COL6A1: variants seen among roughly 807,000 people sequenced by gnomAD.
COL6A1 encodes the protein collagen alpha-1(VI) chain.
A neutral mutation model predicts 145.6 loss-of-function variants in COL6A1; 80 were observed. The ratio of observed to expected loss-of-function variants is 0.55; its 90% confidence interval spans 0.46 to 0.66. COL6A1 has a LOEUF of 0.66. Ranked by LOEUF, COL6A1 falls within the 30% of genes least tolerant of loss-of-function variation. The probability of loss-of-function intolerance (pLI) is 0.00; values close to 1 mark genes in which losing one functional copy is unlikely to be tolerated. For synonymous variants in COL6A1, 638 were observed against 622.8 expected, an observed-to-expected ratio of 1.02 and a Z score of -0.36; for missense variants, 1,364 against 1,473.8, an observed-to-expected ratio of 0.93 and a Z score of 1.22.
chr21:45,985,576 C>T (rs1358469301), intron 3 of COL6A1, among the ~76,000 whole-genome samples: 1 of 152,238 alleles, frequency 6.6e-6, no homozygotes, highest in Non-Finnish European at 1.5e-5. Flanking sequence ...GGTTTCCTCT[C>T]ATCCCAGTGT....
At position 46,003,684 on chromosome 21, in the gene COL6A1, C is replaced by T. The variant is rs141620374; in HGVS notation, c.2758C>T (p.Leu920=). The T allele has an allele frequency of 2.0e-4, 315 of 1,613,100 alleles. 2 individuals are homozygous for T. In the African/African-American group the frequency reaches 3.6e-3, roughly 18 times the overall value. The change falls in exon 35 of 35, where the codon CTG becomes TTG. Residue 920 remains leucine (L), a synonymous_variant. Transcript: ENST00000361866. ...INDATDVNDA[L]GYVTRFYREA... is the part of the protein sequence containing the mutation. ...CGACGCCACCGACGTCAACGATGCC[C>T]TGGGCTATGTGACCCGCTTCTACCG...
Position 46,003,626 on chromosome 21 carries a change from G to C in COL6A1, c.2700G>C (p.Leu900=). ...AGTTCCTGCAGAACTACACGGCCCT[G>C]GCCAGTGCCGTCGATGCCATGGACT... ...SLQFLQNYTA[L]ASAVDAMDFI... The change falls in exon 35 of 35, where the codon CTG becomes CTC. Residue 900 remains leucine (L), a synonymous_variant. Transcript: ENST00000361866. The C allele has an allele frequency of 6.2e-7, 1 of 1,613,030 alleles. No individual in the cohort carries two copies. The highest frequency in any genetic ancestry group is 1.3e-5 in the African/African-American group (1 of 75,060).
Position 46,000,634 on chromosome 21 carries a change from A to G in COL6A1, c.1814-125A>G, listed in dbSNP as rs1159696971. The G allele has an allele frequency of 1.3e-5, 18 of 1,343,942 alleles. No homozygotes were observed. In the Admixed American group the frequency reaches 3.1e-4, roughly 23 times the overall value. The allele number at this position is 1,343,942 out of a possible 1,614,324, so 83.3% of individuals were successfully genotyped here. The stretch of plus-strand genomic sequence containing the variant: ...GGGAGGCGGGGCAGGAGGCCGGGGA[A>G]GGGGGGAGGCCGGGGAAGGAGGGCG... On this transcript the variant is annotated intron_variant, in intron 28 of 34. Transcript: ENST00000361866.
chr21:45,999,048 G>T, intron 25 of COL6A1, 89 bp downstream of exon 25: 1 of 1,543,848 alleles, frequency 6.5e-7, no homozygotes, highest in Non-Finnish European at 8.8e-7. Context: ...GGACCCGCTT[G>T]GGGAGGCCTC....
chr21:45,993,873 C>T lies in COL6A1; in HGVS notation c.1336-294C>T, dbSNP rs371554239. 2.0e-5 allele frequency among the ~76,000 whole-genome samples: 3 copies of T among 152,246 alleles called. No individual in the cohort carries two copies. In the East Asian group the frequency reaches 5.8e-4, roughly 29 times the overall value. ...GGCCACAAGTCCATGGCTACAAACA[C>T]TTGCCGGGTCCACGGAGCTTGCTGG... is the stretch of plus-strand genomic sequence containing the variant. On this transcript the variant is annotated intron_variant, in intron 19 of 34. Transcript: ENST00000361866.
In COL6A1 at chr21:45,981,943, C is replaced by T. The variant is rs753371577; in HGVS notation, c.93C>T (p.Phe31=). ...CGGAGACCCCGAGGGCCGTGGCCTT[C>T]CAGGGTGAGTGGTGGCTTGGGGTGC... ...DEPETPRAVA[F]QDCPVDLFFV... Residue 31 remains phenylalanine, a synonymous_variant, in exon 1 of 35, where the codon TTC becomes TTT. Coordinates refer to ENST00000361866, the MANE Select transcript of COL6A1 (RefSeq NM_001848.3). 1 of 1,605,818 alleles carries T rather than the reference C, an allele frequency of 6.2e-7. No homozygotes were observed. Among genetic ancestry groups the T allele is most frequent in the South Asian group, 1.1e-5 (1 of 89,902 alleles).
rs749995124 is a variant in COL6A1, at chr21:46,002,295, T to C, written c.2144T>C (p.Leu715Pro). 2.5e-6 allele frequency: 4 copies of C among 1,594,966 alleles called. No individual in the cohort carries two copies. The highest frequency in any genetic ancestry group is 2.6e-6 in the Non-Finnish European group (3 of 1,173,050). ...CTGCAGTACACGCGGGACCAGCTGC[T>C]GCCGCCCAGCCCGAACAACCGCATC... Reference protein sequence around the residue: ...EALQYTRDQLLPPSPNNRIAL... With the variant: ...EALQYTRDQLPPPSPNNRIAL... The change falls in exon 32 of 35, where the codon CTG (leucine) becomes CCG (proline). Residue 715 changes from leucine to proline, a missense_variant. By Grantham distance (98) the Leu-to-Pro change is moderately conservative (BLOSUM62 -3). Transcript: ENST00000361866.
Position 45,987,160 on chromosome 21 carries a change from T to G in COL6A1, c.723T>G (p.Asn241Lys), listed in dbSNP as rs1201323451. ...GTTTCCATTTCTCTTTCCAGAAAAA[T>G]AACGTGGAGCAAGTGGTAAGAGCCC... ...TIDTIVDMIK[N>K]NVEQVCCSFE... Residue 241 changes from asparagine to lysine, a missense_variant, in exon 6 of 35, where the codon AAT becomes AAG. Transcript: ENST00000361866. 1 of 1,598,488 alleles carries G rather than the reference T, an allele frequency of 6.3e-7. No individual in the cohort carries two copies. Among genetic ancestry groups the G allele is most frequent in the Non-Finnish European group, 8.5e-7 (1 of 1,176,508 alleles).
In COL6A1 at chr21:45,997,792, C is replaced by A. The variant is rs370956278; in HGVS notation, c.1524+30C>A. ...GTGTCCAACAGCTCGGGCCCTAGGGCGGAGGCCTGGCCGCCAGAGGCCCTG... is the reference window on the plus strand; with the variant it reads ...GTGTCCAACAGCTCGGGCCCTAGGGAGGAGGCCTGGCCGCCAGAGGCCCTG... On this transcript the variant is annotated intron_variant, in intron 22 of 34. Transcript: ENST00000361866. 9.6e-6 allele frequency: 15 copies of A among 1,561,694 alleles called. No individual in the cohort carries two copies. The Admixed American group carries it at 1.1e-4, about 12-fold the overall frequency.
intron 3 of COL6A1, 105 bp downstream of exon 3, chr21:45,984,574 T>G: frequency 9.0e-7 from 1 of 1,110,000 alleles, no homozygotes; most frequent in Admixed American, 1.9e-5. Context: ...GCAGCCTCCC[T>G]GTTCTCTTGG....
rs2077769700 is a variant in COL6A1 at position 45,990,486 on chromosome 21, ACGGAG to A, written c.1002+65_1002+69del. On this transcript the variant is annotated intron_variant, in intron 13 of 34. Coordinates refer to ENST00000361866, the MANE Select transcript of COL6A1 (RefSeq NM_001848.3). ...GAGGAATGGGGCGAGATGGGGAGGG[ACGGAG>A]TGGACGGCGTGAAGGTGACCCGGGG... The A allele has an allele frequency of 1.1e-5, 3 of 263,056 alleles. No individual in the cohort carries two copies. The East Asian group carries it at 3.3e-4, about 29-fold the overall frequency. The allele number at this position is 263,056 out of a possible 1,614,324, so 16.3% of individuals were successfully genotyped here. A position where few individuals can be genotyped will look rare whatever the true frequency, so the allele number is the denominator to read the frequency against.
In COL6A1 at chr21:45,989,795, C is replaced by G. The variant is rs534255850; in HGVS notation, c.930+17C>G. The G allele has an allele frequency of 2.5e-6, 4 of 1,612,776 alleles. No homozygotes were observed. The South Asian group carries it at 4.4e-5, about 18-fold the overall frequency. On this transcript the variant is annotated intron_variant, in intron 11 of 34. Coordinates refer to ENST00000361866, the MANE Select transcript of COL6A1 (RefSeq NM_001848.3). ...GGGGAGAAGGTGAGTGAGGCTCGAC[C>G]TCGGAGCTGGTCTCTCCAGGCGCAG...
At chr21:45,993,731 TGTGACTTA>T (rs928178392) in intron 19 of COL6A1, among the ~76,000 whole-genome samples, 6 of 152,070 alleles carry the variant, frequency 3.9e-5, no homozygotes, top group South Asian at 2.1e-4. Context: ...GCAGGGATCG[TGTGACTTA>T]GTGACTCAGA....
intron 3 of COL6A1, among the ~76,000 whole-genome samples, 162 bp downstream of exon 3, chr21:45,984,631 GAGAC>G (rs1270790690): frequency 6.6e-6 from 1 of 152,240 alleles, no homozygotes; most frequent in African/African-American, 2.4e-5. Flanking sequence ...GAAAGAGACG[GAGAC>G]AGACAGAGAC....
At chr21:45,985,071 GACAGAGACAGAA>G (rs1045084670) in intron 3 of COL6A1, among the ~76,000 whole-genome samples, 8 of 151,640 alleles carry the variant, frequency 5.3e-5, no homozygotes, top group Non-Finnish European at 1.0e-4. Context: ...GACAGACAGA[GACAGAGACAGAA>G]ACAGAGACAG....
intron 1 of COL6A1, 135 bp from the exon 2 acceptor site, chr21:45,982,499 G>T (rs1367654403): frequency 1.3e-5 from 17 of 1,299,000 alleles, no homozygotes; most frequent in Non-Finnish European, 1.6e-5. Flanking sequence ...ACGTCCTGCT[G>T]CCTTTTCCCG....
At chr21:45,999,064 C>A in intron 25 of COL6A1, 89 bp from the exon 26 acceptor site, 1 of 1,540,792 alleles carries the variant, frequency 6.5e-7, no homozygotes, top group South Asian at 1.2e-5. Context: ...GCCTCATGGG[C>A]CCCGGCTGCT....
intron 27 of COL6A1, among the ~76,000 whole-genome samples, chr21:45,999,999 T>TCATGGA (rs367862432): frequency 0.036 from 127 of 3,514 alleles, 4 homozygotes; most frequent in African/African-American, 0.12. Flanking sequence ...GTGAGGATCA[T>TCATGGA]GGGGGACCCG....
At position 46,002,272 on chromosome 21, in the gene COL6A1, G is replaced by T; in HGVS notation, c.2121G>T (p.Leu707=). Residue 707 remains leucine, a synonymous_variant, in exon 32 of 35, where the codon CTG becomes CTT. Coordinates refer to ENST00000361866, the MANE Select transcript of COL6A1 (RefSeq NM_001848.3). The part of the protein sequence containing the change: ...MAGGTFTGEA[L]QYTRDQLLPP... Reference sequence around the variant, plus strand: ...GCGGCACCTTCACGGGGGAGGCCCTGCAGTACACGCGGGACCAGCTGCTGC... The same window carrying T: ...GCGGCACCTTCACGGGGGAGGCCCTTCAGTACACGCGGGACCAGCTGCTGC... 1 of 1,599,992 alleles carries T rather than the reference G, an allele frequency of 6.3e-7. No individual in the cohort carries two copies. The highest frequency in any genetic ancestry group is 8.5e-7 in the Non-Finnish European group (1 of 1,176,030).
Sources: gnomAD v4.1 joint callset for allele counts (sites outside exome capture counted in the v4.1 genomes callset) on GRCh38, gnomAD v4.1.1 for gene constraint, MANE v1.5 for transcripts, NCBI Gene and HGNC (gene_info 2026-07-23, HGNC 2026-07-21) for gene names.